AGMO: variants seen among roughly 807,000 people sequenced by gnomAD.
AGMO encodes glyceryl-ether monooxygenase.
In AGMO, 75 loss-of-function variants were observed where a neutral mutation model predicts 60.2. The ratio of observed to expected loss-of-function variants is 1.25; its 90% CI spans 1.03 to 1.51. The LOEUF is 1.51. Among genes scored for constraint, AGMO ranks in the 40% most tolerant of loss-of-function variants. AGMO has a pLI of 0.00. For synonymous variants in AGMO, 261 were observed against 177.1 expected (o/e 1.47, Z -3.76); for missense variants, 763 against 525.5 (o/e 1.45, Z -4.42).
chr7:15,151,883 A>G, the AGMO span, among the ~76,000 whole-genome samples: 1 of 152,110 alleles, frequency 6.6e-6, no homozygotes, highest in Non-Finnish European at 1.5e-5. Flanking sequence ...TCAATGATCT[A>G]TCTAACACTG....
At position 15,390,856 on chromosome 7, in the gene AGMO, A is replaced by C; in HGVS notation, c.726T>G (p.Ile242Met). The C allele has an allele frequency of 6.2e-7, 1 of 1,604,998 alleles. No homozygotes were observed. The highest frequency in any genetic ancestry group is 8.5e-7 in the Non-Finnish European group (1 of 1,174,750). Residue 242 changes from isoleucine (I) to methionine (M), a missense_variant, in exon 7 of 13, where the codon ATT (isoleucine) becomes ATG (methionine). By Grantham distance (10) the Ile-to-Met change is conservative (BLOSUM62 1). Coordinates refer to ENST00000342526, the MANE Select transcript of AGMO (RefSeq NM_001004320.2). Reference sequence around the variant, plus strand: ...TTTACTTACCAAAAATTTTATCCCAAATAATAAGAACACCAGCATAATTTT... The same window carrying C: ...TTTACTTACCAAAAATTTTATCCCACATAATAAGAACACCAGCATAATTTT... ...IDKNYAGVLIIWDKIFGTFEA... is the reference protein window; with the variant it reads ...IDKNYAGVLIMWDKIFGTFEA...
rs562696668 is a variant in AGMO at position 15,392,316 on chromosome 7, C to T, written c.677-1411G>A. On this transcript the variant is annotated intron_variant, in intron 6 of 12. Coordinates refer to ENST00000342526, the MANE Select transcript of AGMO (RefSeq NM_001004320.2). ...TGTCTTATCTCCTGACCTCGTGATC[C>T]GCGATCCGCCTCCCAAAGTGTTGGG... Among the ~76,000 whole-genome samples the T allele has an allele frequency of 1.8e-3, 232 of 130,738 alleles. 2 individuals carry two copies. The highest frequency in any genetic ancestry group is 6.9e-3 in the African/African-American group (219 of 31,734). The allele number at this position is 130,738 out of a possible 152,430, so 85.8% of individuals were successfully genotyped here. A position where few individuals can be genotyped will look rare whatever the true frequency, so the allele number is the denominator to read the frequency against.
At chr7:15,382,012 G>C (rs1391961237) in intron 10 of AGMO, among the ~76,000 whole-genome samples, 1 of 151,998 alleles carries the variant, frequency 6.6e-6, no homozygotes, top group East Asian at 1.9e-4. Context: ...ACACACACTG[G>C]GGTCTATTGG....
intron 3 of AGMO, among the ~76,000 whole-genome samples, chr7:15,531,611 A>ATATATATTCTATATATATATTCTC (rs1784364798): frequency 8.9e-6 from 1 of 112,040 alleles, no homozygotes; most frequent in Non-Finnish European, 1.6e-5. Flanking sequence ...TATATATTCT[A>ATATATATTCTATATATATATTCTC]TGTATATTCT....
chr7:15,262,023 C>A (rs1783287957), intron 12 of AGMO, among the ~76,000 whole-genome samples: 2 of 151,948 alleles, frequency 1.3e-5, no homozygotes, highest in African/African-American at 2.4e-5. Flanking sequence ...CTACAACAAA[C>A]CCACAGCCAA....
At chr7:15,344,470 C>T (rs1781964493) in intron 12 of AGMO, among the ~76,000 whole-genome samples, 1 of 152,096 alleles carries the variant, frequency 6.6e-6, no homozygotes, top group Admixed American at 6.6e-5. Flanking sequence ...GAGGCCGAGG[C>T]AGATGGACTG....
intron 5 of AGMO, among the ~76,000 whole-genome samples, chr7:15,408,230 G>A (rs1784755495): frequency 6.6e-6 from 1 of 151,888 alleles, no homozygotes; most frequent in Non-Finnish European, 1.5e-5. Context: ...TAAGAGCCCT[G>A]AAATCTGTTA....
At chr7:15,460,660 T>A (rs1397195626) in intron 3 of AGMO, among the ~76,000 whole-genome samples, 2 of 152,054 alleles carry the variant, frequency 1.3e-5, no homozygotes, top group Non-Finnish European at 2.9e-5. Flanking sequence ...AATTTAGAAA[T>A]ACAAATTTTA....
At chr7:15,496,434 T>C (rs1220886468) in intron 3 of AGMO, among the ~76,000 whole-genome samples, 5 of 152,102 alleles carry the variant, frequency 3.3e-5, no homozygotes, top group Non-Finnish European at 7.4e-5. Context: ...ATATCTATTA[T>C]AAAAGGCTTA....
chr7:15,187,468 T>G, the AGMO span, among the ~76,000 whole-genome samples: 2 of 152,212 alleles, frequency 1.3e-5, no homozygotes, highest in South Asian at 2.1e-4. Flanking sequence ...GCATCTGTAT[T>G]TCACACGTCC....
chr7:15,491,231 C>T (rs1475645160), intron 3 of AGMO, among the ~76,000 whole-genome samples: 2 of 152,062 alleles, frequency 1.3e-5, no homozygotes, highest in African/African-American at 2.4e-5. Context: ...AGTCGAGGGG[C>T]TTGGTGGGGG....
At chr7:15,410,997 T>C (rs1780577726) in intron 5 of AGMO, among the ~76,000 whole-genome samples, 1 of 152,058 alleles carries the variant, frequency 6.6e-6, no homozygotes, top group South Asian at 2.1e-4. Context: ...GATTTAAGAA[T>C]TGGAATCTTT....
chr7:15,270,592 G>C (rs560520158), intron 12 of AGMO, among the ~76,000 whole-genome samples: 185 of 50,368 alleles, frequency 3.7e-3, no homozygotes, highest in African/African-American at 0.015. Flanking sequence ...TTAATCTGTT[G>C]ATAATTTTTT....
At chr7:15,425,216 T>G (rs779001715) in intron 4 of AGMO, among the ~76,000 whole-genome samples, 11 of 152,140 alleles carry the variant, frequency 7.2e-5, no homozygotes, top group Non-Finnish European at 1.6e-4. Context: ...GCAAAGTGAG[T>G]AAACAACTAA....
At chr7:15,122,205 T>C in the AGMO span, among the ~76,000 whole-genome samples, 1 of 151,970 alleles carries the variant, frequency 6.6e-6, no homozygotes, top group Non-Finnish European at 1.5e-5. Context: ...TTAAACAAAT[T>C]TACTAGAAAA....
Position 15,410,539 on chromosome 7 carries a change from T to C in AGMO, c.609+8019A>G, listed in dbSNP as rs377730795. On this transcript the variant is annotated intron_variant, in intron 5 of 12. Coordinates refer to ENST00000342526, the MANE Select transcript of AGMO (RefSeq NM_001004320.2). The stretch of plus-strand genomic sequence containing the variant: ...TGCATTTATTCATATTAATAATTCA[T>C]ATTAAACAAAATATCTATTGCATTA... Among the ~76,000 whole-genome samples, 149 of 152,014 alleles carry C rather than the reference T, an allele frequency of 9.8e-4. 1 individual carries two copies. The highest frequency in any genetic ancestry group is 3.4e-3 in the African/African-American group (141 of 41,548).
chr7:15,229,163 A>G (rs1782176161), intron 12 of AGMO, among the ~76,000 whole-genome samples: 1 of 152,096 alleles, frequency 6.6e-6, no homozygotes, highest in African/African-American at 2.4e-5. Flanking sequence ...TCCATTAGCT[A>G]CAATGTTGCC....
At chr7:15,254,164 T>C (rs886154435) in intron 12 of AGMO, among the ~76,000 whole-genome samples, 6 of 152,194 alleles carry the variant, frequency 3.9e-5, no homozygotes, top group African/African-American at 1.2e-4. Context: ...TGATTACATA[T>C]ATTGGTTATC....
chr7:15,352,847 A>C (rs1280727071), intron 12 of AGMO, among the ~76,000 whole-genome samples: 1 of 152,076 alleles, frequency 6.6e-6, no homozygotes, highest in Non-Finnish European at 1.5e-5. Context: ...CAAAAACAAA[A>C]GCTAAAAATT....
Sources: gnomAD v4.1 joint callset for allele counts (sites outside exome capture counted in the v4.1 genomes callset) on GRCh38, gnomAD v4.1.1 for gene constraint, MANE v1.5 for transcripts, NCBI Gene and HGNC (gene_info 2026-07-23, HGNC 2026-07-21) for gene names.